TEX9: variants seen among roughly 807,000 people sequenced by gnomAD.
The protein encoded by TEX9 is testis-expressed protein 9.
Under a neutral mutation model 59.6 loss-of-function variants are expected in TEX9, and 74 were observed. That is an observed-to-expected ratio of 1.24 (90% CI 1.03 to 1.51). The LOEUF (loss-of-function observed/expected upper bound fraction) is 1.51, where lower values mean the gene tolerates loss of function less well. Ranked by LOEUF, TEX9 falls within the 40% of genes most tolerant of loss-of-function variation. TEX9 has a pLI of 0.00. For synonymous variants in TEX9, 186 were observed against 152.2 expected, an observed-to-expected ratio of 1.22 and a Z score of -1.64; for missense variants, 522 against 447.8, an observed-to-expected ratio of 1.17 and a Z score of -1.49.
chr15:56,269,383 T>C (rs557545710), intron 1 of TEX9, among the ~76,000 whole-genome samples: 20 of 152,284 alleles, frequency 1.3e-4, no homozygotes, highest in African/African-American at 4.8e-4. Context: ...GTGTTTGCTC[T>C]TGCTTCTCTA....
chr15:56,253,147 G>A (rs1358021252), intron 1 of TEX9, among the ~76,000 whole-genome samples: 8 of 151,964 alleles, frequency 5.3e-5, no homozygotes, highest in East Asian at 1.9e-4. Flanking sequence ...AAAGCCACAC[G>A]GCACCTAAGA....
At chr15:56,306,029 T>C (rs538265603) in intron 1 of TEX9, among the ~76,000 whole-genome samples, 1 of 151,662 alleles carries the variant, frequency 6.6e-6, no homozygotes, top group Non-Finnish European at 1.5e-5. Flanking sequence ...ACATGCTCAA[T>C]AGAAATGCAA....
intron 1 of TEX9, among the ~76,000 whole-genome samples, chr15:56,351,516 C>T (rs889319692): frequency 2.0e-5 from 3 of 152,222 alleles, no homozygotes; most frequent in Non-Finnish European, 2.9e-5. Context: ...CCCAAGAGCT[C>T]GAGTGCAGCC....
chr15:56,249,726 C>T lies in TEX9; in HGVS notation c.-107+5448C>T, dbSNP rs531553491. ...CCACTGCACTCCAGCCTGGGCGACA[C>T]AGTGAGGATCTGTCTCAAAAAAAAA... On this transcript the variant is annotated intron_variant, in intron 1 of 5. Coordinates refer to the TEX9 transcript ENST00000560827. Among the ~76,000 whole-genome samples, 43 of 106,474 alleles carry T rather than the reference C, an allele frequency of 4.0e-4. No homozygotes were observed. In the South Asian group the frequency reaches 0.014, roughly 34 times the overall value. 69.9% of individuals were successfully genotyped at this position (106,474 alleles called of 152,430 possible). A position where few individuals can be genotyped will look rare whatever the true frequency, so the allele number is the denominator to read the frequency against.
intron 1 of TEX9, among the ~76,000 whole-genome samples, chr15:56,266,895 T>C (rs1195350153): frequency 1.3e-5 from 2 of 152,180 alleles, no homozygotes; most frequent in South Asian, 2.1e-4. Flanking sequence ...CTTGAGGAAT[T>C]GCCACACAGT....
chr15:56,294,236 C>T (rs1473934885), intron 1 of TEX9, among the ~76,000 whole-genome samples: 2 of 152,182 alleles, frequency 1.3e-5, no homozygotes, highest in African/African-American at 4.8e-5. Flanking sequence ...TTCTAAGACC[C>T]GTTATCTGCC....
At chr15:56,311,963 T>C (rs2045630978) in intron 1 of TEX9, among the ~76,000 whole-genome samples, 1 of 150,478 alleles carries the variant, frequency 6.6e-6, no homozygotes, top group Admixed American at 6.6e-5. Context: ...TGTCTGTTCA[T>C]GTCCTTTGCC....
chr15:56,399,798 A>G (rs2048680839), intron 9 of TEX9, among the ~76,000 whole-genome samples: 1 of 152,208 alleles, frequency 6.6e-6, no homozygotes, highest in African/African-American at 2.4e-5. Flanking sequence ...CTGTTCTGCA[A>G]TATTTGCTGT....
intron 10 of TEX9, among the ~76,000 whole-genome samples, chr15:56,416,676 T>G (rs970178129): frequency 1.3e-5 from 2 of 151,816 alleles, no homozygotes; most frequent in South Asian, 4.1e-4. Flanking sequence ...TTTTCTTTTT[T>G]GGTTGTCTGT....
rs537173866 is a variant in TEX9 at position 56,301,081 on chromosome 15, C to T, written c.-107+56803C>T. On this transcript the variant is annotated intron_variant, in intron 1 of 5. Coordinates refer to the TEX9 transcript ENST00000560827. Reference sequence around the variant, plus strand: ...CTTTCGGACAGAGAATTCAAAATAGCTTTTTTGAGAAAGCTCAATGAAATT... The same window carrying T: ...CTTTCGGACAGAGAATTCAAAATAGTTTTTTTGAGAAAGCTCAATGAAATT... Among the ~76,000 whole-genome samples, 29 of 152,228 alleles carry T rather than the reference C, an allele frequency of 1.9e-4. 1 individual carries two copies. In the South Asian group the frequency reaches 5.2e-3, roughly 27 times the overall value.
At chr15:56,307,299 G>A (rs933439970) in intron 1 of TEX9, among the ~76,000 whole-genome samples, 4 of 152,086 alleles carry the variant, frequency 2.6e-5, no homozygotes, top group Non-Finnish European at 4.4e-5. Context: ...AGCCTCTAGC[G>A]AGAGCCTGCA....
downstream of TEX9, among the ~76,000 whole-genome samples, chr15:56,447,988 T>C (rs1196915664): frequency 1.3e-5 from 2 of 152,248 alleles, no homozygotes; most frequent in African/African-American, 4.8e-5. Context: ...TACTCCTTTT[T>C]ATTGCAGGAT....
intron 1 of TEX9, among the ~76,000 whole-genome samples, chr15:56,301,594 A>G (rs1341674414): frequency 2.0e-5 from 3 of 152,290 alleles, no homozygotes; most frequent in African/African-American, 7.2e-5. Context: ...ATCTGGCAGC[A>G]GACTTCTCAG....
rs544986040 is a variant in TEX9 at position 56,381,297 on chromosome 15, A to G, written c.184-2655A>G. 2.6e-5 allele frequency among the ~76,000 whole-genome samples: 4 copies of G among 152,220 alleles called. No homozygotes were observed. In the South Asian group the frequency reaches 6.2e-4, roughly 24 times the overall value. ...TTAAATTTATCTGATAGAATTTTGA[A>G]TTCCTTTTCTGTTACTTGGGTTTCT... On this transcript the variant is annotated intron_variant, in intron 3 of 12. Transcript: ENST00000352903.
At chr15:56,383,907 G>GT in intron 3 of TEX9, 45 bp from the exon 4 acceptor site, 2 of 1,420,788 alleles carry the variant, frequency 1.4e-6, no homozygotes, top group Non-Finnish European at 2.0e-6. Flanking sequence ...TTAATGGTTT[G>GT]GTTTTTTTTC....
intron 12 of TEX9, among the ~76,000 whole-genome samples, chr15:56,433,050 C>CAACA: frequency 6.6e-6 from 1 of 152,240 alleles, no homozygotes; most frequent in East Asian, 1.9e-4. Context: ...ATTCCCTCTC[C>CAACA]AACACTTAAA....
chr15:56,302,320 TACACACACAC>T (rs56766153), intron 1 of TEX9, among the ~76,000 whole-genome samples: 75 of 135,786 alleles, frequency 5.5e-4, no homozygotes, highest in Middle Eastern at 3.7e-3. Context: ...AGACACTGTT[TACACACACAC>T]ACACACACAC....
At chr15:56,454,457 A>G in the TEX9 span, among the ~76,000 whole-genome samples, 6 of 151,624 alleles carry the variant, frequency 4.0e-5, no homozygotes, top group Non-Finnish European at 8.8e-5. Context: ...CATTCATTCT[A>G]TTTTTTTTGT....
At chr15:56,296,865 G>A (rs1196880778) in intron 1 of TEX9, among the ~76,000 whole-genome samples, 1 of 151,796 alleles carries the variant, frequency 6.6e-6, no homozygotes, top group Non-Finnish European at 1.5e-5. Flanking sequence ...GCTCTCCTAG[G>A]TTGAAAGAAG....
Sources: allele counts gnomAD v4.1 joint callset (sites outside exome capture counted in the v4.1 genomes callset), GRCh38; gene constraint gnomAD v4.1.1; transcripts MANE v1.5; gene names NCBI Gene and HGNC (gene_info 2026-07-23, HGNC 2026-07-21).